HDAC9: variants seen among roughly 807,000 people sequenced by gnomAD.
HDAC9 encodes histone deacetylase 9.
HDAC9 carries 41 observed loss-of-function variants against 139.4 expected under a neutral mutation model. The ratio of observed to expected loss-of-function variants is 0.29; its 90% CI spans 0.23 to 0.38. The LOEUF (loss-of-function observed/expected upper bound fraction) is 0.38. HDAC9 is among the 10% of genes least tolerant of loss of function. The pLI is 1.00. For missense variants in HDAC9, 1,147 were observed against 1,297.0 expected (o/e 0.88, Z 1.78); for synonymous variants, 517 against 476.2 (o/e 1.09, Z -1.12).
chr7:18,919,119 G>A (rs1803463561), intron 22 of HDAC9, among the ~76,000 whole-genome samples: 1 of 152,054 alleles, frequency 6.6e-6, no homozygotes, highest in Admixed American at 6.6e-5. Context: ...AATAGCCAAT[G>A]CACTTCAAGG....
Position 18,320,222 on chromosome 7 carries a change from T to A in HDAC9, c.-42+29707T>A, listed in dbSNP as rs185607274. On this transcript the variant is annotated intron_variant, in intron 1 of 3. Coordinates refer to the HDAC9 transcript ENST00000413509. ...CCTTTTATCTGCTTATGAGATTAATTTGGGTTGATCAGATACTTGATTGTA... is the reference window on the plus strand; with the variant it reads ...CCTTTTATCTGCTTATGAGATTAATATGGGTTGATCAGATACTTGATTGTA... Among the ~76,000 whole-genome samples the A allele has an allele frequency of 4.4e-4, 67 of 152,310 alleles. 1 individual carries two copies. Among genetic ancestry groups the A allele is most frequent in the African/African-American group, 1.5e-3 (63 of 41,572 alleles).
At chr7:18,395,901 T>C (rs1786985779) in intron 1 of HDAC9, among the ~76,000 whole-genome samples, 1 of 152,150 alleles carries the variant, frequency 6.6e-6, no homozygotes, top group African/African-American at 2.4e-5. Context: ...GTAGCTACCT[T>C]CTTTTGAAAG....
chr7:18,583,349 C>G (rs1344260506), intron 2 of HDAC9, among the ~76,000 whole-genome samples: 1 of 151,984 alleles, frequency 6.6e-6, no homozygotes, highest in Non-Finnish European at 1.5e-5. Context: ...GTCAAATAAG[C>G]ATTTAGATTA....
At chr7:18,528,075 G>A (rs1014468174) in intron 2 of HDAC9, among the ~76,000 whole-genome samples, 2 of 151,992 alleles carry the variant, frequency 1.3e-5, no homozygotes, top group African/African-American at 4.8e-5. Flanking sequence ...AGGATCACTT[G>A]AACTCAAGTT....
At chr7:18,298,335 T>C (rs1258986220) in intron 1 of HDAC9, among the ~76,000 whole-genome samples, 1 of 151,998 alleles carries the variant, frequency 6.6e-6, no homozygotes, top group East Asian at 1.9e-4. Flanking sequence ...GTGCACATTG[T>C]GCAGGTTAGT....
At chr7:18,603,731 T>C (rs1834617061) in intron 6 of HDAC9, among the ~76,000 whole-genome samples, 1 of 152,134 alleles carries the variant, frequency 6.6e-6, no homozygotes. Context: ...TCTTTTACCT[T>C]CATATGCTCC....
At chr7:18,205,242 A>G (rs1241088068) in intron 2 of HDAC9, among the ~76,000 whole-genome samples, 1 of 151,916 alleles carries the variant, frequency 6.6e-6, no homozygotes, top group Non-Finnish European at 1.5e-5. Flanking sequence ...TAGATATTTT[A>G]CTGGGCTTTA....
chr7:18,412,545 A>G (rs994163261), intron 1 of HDAC9, among the ~76,000 whole-genome samples: 6 of 152,192 alleles, frequency 3.9e-5, no homozygotes, highest in Non-Finnish European at 5.9e-5. Context: ...TCCTATGATG[A>G]AGACACGATC....
intron 1 of HDAC9, among the ~76,000 whole-genome samples, chr7:18,402,345 A>G (rs1787623392): frequency 6.6e-6 from 1 of 152,172 alleles, no homozygotes; most frequent in Non-Finnish European, 1.5e-5. Context: ...AAAGGAATGA[A>G]ATGAAGTAAA....
intron 16 of HDAC9, among the ~76,000 whole-genome samples, chr7:18,772,769 A>C (rs1196579113): frequency 6.6e-6 from 1 of 152,082 alleles, no homozygotes; most frequent in Non-Finnish European, 1.5e-5. Flanking sequence ...GGCAAAATTA[A>C]AACTGATAAG....
rs935682691 is a variant in HDAC9, at chr7:18,676,207, T to C, written c.1731+9731T>C. On this transcript the variant is annotated intron_variant, in intron 12 of 25. Coordinates refer to ENST00000686413, the MANE Select transcript of HDAC9 (RefSeq NM_178425.4). The stretch of plus-strand genomic sequence containing the variant: ...TTGCACTGGACTCTGCCTTTCTTTC[T>C]TATTTTTATTTTTATAGCCAGTCAA... 3.9e-5 allele frequency among the ~76,000 whole-genome samples: 6 copies of C among 152,164 alleles called. No homozygotes were observed. In the East Asian group the frequency reaches 1.2e-3, roughly 30 times the overall value.
chr7:18,126,455 T>G (rs1784679600), intron 1 of HDAC9, among the ~76,000 whole-genome samples: 1 of 152,198 alleles, frequency 6.6e-6, no homozygotes, highest in South Asian at 2.1e-4. Context: ...CAAGTGTTTA[T>G]TCCACTCCTG....
At chr7:18,410,525 TAC>T (rs1030747934) in intron 1 of HDAC9, among the ~76,000 whole-genome samples, 1 of 152,192 alleles carries the variant, frequency 6.6e-6, no homozygotes, top group African/African-American at 2.4e-5. Flanking sequence ...TAAGTATATA[TAC>T]ACACACTATT....
At chr7:18,250,292 A>C (rs772185001) in intron 2 of HDAC9, among the ~76,000 whole-genome samples, 9 of 152,244 alleles carry the variant, frequency 5.9e-5, no homozygotes, top group Non-Finnish European at 1.3e-4. Flanking sequence ...TTAGTGTCTC[A>C]GTAAAAGTAA....
chr7:18,965,337 T>C (rs1200675283), intron 24 of HDAC9, among the ~76,000 whole-genome samples: 1 of 152,234 alleles, frequency 6.6e-6, no homozygotes, highest in Non-Finnish European at 1.5e-5. Flanking sequence ...CAATGCATTT[T>C]AGTAATATGT....
At chr7:18,599,446 C>T (rs1323672532) in intron 6 of HDAC9, among the ~76,000 whole-genome samples, 2 of 152,192 alleles carry the variant, frequency 1.3e-5, no homozygotes, top group Admixed American at 1.3e-4. Flanking sequence ...TAAAAATCTC[C>T]TGTGCCCCAC....
At chr7:18,141,896 T>G (rs1439770739) in intron 1 of HDAC9, among the ~76,000 whole-genome samples, 1 of 152,156 alleles carries the variant, frequency 6.6e-6, no homozygotes, top group East Asian at 1.9e-4. Flanking sequence ...TTGAAATATT[T>G]TAGGGAAAGC....
chr7:18,361,590 A>T (rs1783782183), intron 1 of HDAC9, among the ~76,000 whole-genome samples: 1 of 152,206 alleles, frequency 6.6e-6, no homozygotes. Flanking sequence ...AAACCAAAGG[A>T]AACATTCATT....
At chr7:18,969,897 A>G (rs1784137748) in intron 24 of HDAC9, among the ~76,000 whole-genome samples, 1 of 152,176 alleles carries the variant, frequency 6.6e-6, no homozygotes, top group Non-Finnish European at 1.5e-5. Context: ...CTGAAAGGAG[A>G]TAAAAGACAG....
Sources: allele counts gnomAD v4.1 joint callset (sites outside exome capture counted in the v4.1 genomes callset), GRCh38; gene constraint gnomAD v4.1.1; transcripts MANE v1.5; gene names NCBI Gene and HGNC (gene_info 2026-07-23, HGNC 2026-07-21).